ANKRD33B: variants seen among roughly 807,000 people sequenced by gnomAD.
ANKRD33B encodes ankyrin repeat domain-containing protein 33B.
A neutral mutation model predicts 21.5 loss-of-function variants in ANKRD33B; 6 were observed. That is an observed-to-expected ratio of 0.28 (90% confidence interval 0.15 to 0.55). The LOEUF (loss-of-function observed/expected upper bound fraction) is 0.55, where lower values mean the gene tolerates loss of function less well. Among genes scored for constraint, ANKRD33B ranks in the 20% least tolerant of loss-of-function variants. ANKRD33B has a pLI of 0.94. For synonymous variants in ANKRD33B, 347 were observed against 342.4 expected, an observed-to-expected ratio of 1.01 and a Z score of -0.15; for missense variants, 698 against 747.2, an observed-to-expected ratio of 0.93 and a Z score of 0.77.
At chr5:10,574,939 T>C (rs112378330) in intron 1 of ANKRD33B, among the ~76,000 whole-genome samples, 2,859 of 53,498 alleles carry the variant, frequency 0.053, 990 homozygotes, top group African/African-American at 0.1. Context: ...AATTAAAACT[T>C]AGTCGGGTGT....
At chr5:10,647,926 A>G (rs925705955) in intron 3 of ANKRD33B, among the ~76,000 whole-genome samples, 1 of 152,182 alleles carries the variant, frequency 6.6e-6, no homozygotes, top group Non-Finnish European at 1.5e-5. Context: ...TTGGGGCAAC[A>G]CTTAGATCCA....
chr5:10,626,113 C>T (rs957376910), intron 2 of ANKRD33B, among the ~76,000 whole-genome samples: 4 of 152,198 alleles, frequency 2.6e-5, no homozygotes, highest in Non-Finnish European at 4.4e-5. Context: ...CAGCCAGGGG[C>T]CGGAGTGGGA....
intron 3 of ANKRD33B, among the ~76,000 whole-genome samples, chr5:10,648,137 T>C (rs1560988789): frequency 6.6e-6 from 1 of 150,864 alleles, no homozygotes. Context: ...TAAAAATTCA[T>C]GCCCCCTACC....
intron 2 of ANKRD33B, among the ~76,000 whole-genome samples, chr5:10,636,683 C>G (rs759584486): frequency 2.6e-5 from 4 of 152,166 alleles, no homozygotes; most frequent in Non-Finnish European, 5.9e-5. Flanking sequence ...AGGAGAGACT[C>G]GGGCAGATTG....
chr5:10,643,524 G>A (rs1256263236), intron 3 of ANKRD33B, among the ~76,000 whole-genome samples: 5 of 152,066 alleles, frequency 3.3e-5, no homozygotes, highest in Admixed American at 6.6e-5. Context: ...AAATAAAAGT[G>A]TGACATCTTG....
rs538954231 is a variant in ANKRD33B, at chr5:10,578,950, G to A, written c.366+14117G>A. Among the ~76,000 whole-genome samples, 858 of 152,096 alleles carry A rather than the reference G, an allele frequency of 5.6e-3. 4 individuals carry two copies. Among genetic ancestry groups the A allele is most frequent in the Middle Eastern group, 0.027 (8 of 294 alleles). ...GGGCTGAGGTGGGTGGATTGCCTGA[G>A]CCCAGGAGTTCAATACCAGCCTGGG... On this transcript the variant is annotated intron_variant, in intron 1 of 3. Transcript: ENST00000296657.
intron 1 of ANKRD33B, among the ~76,000 whole-genome samples, chr5:10,612,466 C>A (rs1394538815): frequency 6.6e-6 from 1 of 152,234 alleles, no homozygotes; most frequent in Non-Finnish European, 1.5e-5. Context: ...CTAATACCAT[C>A]ACCGTGAGGG....
intron 1 of ANKRD33B, among the ~76,000 whole-genome samples, chr5:10,570,091 G>T (rs1180540412): frequency 6.6e-6 from 1 of 152,120 alleles, no homozygotes; most frequent in Non-Finnish European, 1.5e-5. Flanking sequence ...TGGCCAGGCT[G>T]GTCTCGAACT....
At chr5:10,629,906 CACTGAGTCT>C (rs1736666605) in intron 2 of ANKRD33B, among the ~76,000 whole-genome samples, 1 of 152,136 alleles carries the variant, frequency 6.6e-6, no homozygotes, top group South Asian at 2.1e-4. Context: ...GACAAATCAC[CACTGAGTCT>C]CATTGTAAGA....
At chr5:10,604,036 A>G (rs1450257793) in intron 1 of ANKRD33B, among the ~76,000 whole-genome samples, 1 of 151,708 alleles carries the variant, frequency 6.6e-6, no homozygotes, top group East Asian at 1.9e-4. Context: ...CTGCAATTAC[A>G]GGTGCCTGCC....
intron 2 of ANKRD33B, among the ~76,000 whole-genome samples, chr5:10,634,669 C>T (rs1213843974): frequency 2.0e-5 from 3 of 150,952 alleles, no homozygotes; most frequent in Admixed American, 6.6e-5. Flanking sequence ...TTGCCCAGGC[C>T]GGTCTTGAAC....
At chr5:10,627,310 A>G (rs749045672) in intron 2 of ANKRD33B, 11 of 152,266 alleles carry the variant, frequency 7.2e-5, no homozygotes, top group Non-Finnish European at 1.5e-4. Flanking sequence ...TTAACAGAAT[A>G]GCATGGACGT....
At position 10,656,674 on chromosome 5, in the gene ANKRD33B, G is replaced by T. The variant is rs1468959551; in HGVS notation, c.*6561G>T. 1 of 152,322 alleles carries T rather than the reference G, an allele frequency of 6.6e-6. No individual in the cohort carries two copies. The highest frequency in any genetic ancestry group is 1.5e-5 in the Non-Finnish European group (1 of 68,080). 9.4% of individuals were successfully genotyped at this position (152,322 alleles called of 1,614,324 possible). A position where few individuals can be genotyped will look rare whatever the true frequency, so the allele number is the denominator to read the frequency against. The stretch of plus-strand genomic sequence containing the variant: ...CAGCCCAGGTCTTTATTGAAAGGCG[G>T]CTCATATAGAACCCATTTGGCCAGG... On this transcript the variant is annotated 3_prime_UTR_variant, in exon 4 of 4. Coordinates refer to ENST00000296657, the MANE Select transcript of ANKRD33B (RefSeq NM_001164440.2).
At chr5:10,593,778 A>G (rs1335857714) in intron 1 of ANKRD33B, among the ~76,000 whole-genome samples, 1 of 149,774 alleles carries the variant, frequency 6.7e-6, no homozygotes, top group Non-Finnish European at 1.5e-5. Context: ...CTGGATCCCC[A>G]TTCCAGCACA....
At chr5:10,624,748 A>G (rs1214117975) in intron 2 of ANKRD33B, 3 of 456,644 alleles carry the variant, frequency 6.6e-6, no homozygotes, top group East Asian at 6.9e-5. Flanking sequence ...CCCCATGGGC[A>G]TAGTTTCCTT....
At chr5:10,610,871 C>G (rs1295091503) in intron 1 of ANKRD33B, among the ~76,000 whole-genome samples, 1 of 152,060 alleles carries the variant, frequency 6.6e-6, no homozygotes, top group Non-Finnish European at 1.5e-5. Context: ...GTGGCGAAAC[C>G]CGTCTCTACT....
chr5:10,635,307 C>G (rs1277971562), intron 2 of ANKRD33B, among the ~76,000 whole-genome samples: 1 of 152,224 alleles, frequency 6.6e-6, no homozygotes, highest in Non-Finnish European at 1.5e-5. Context: ...AAGCATTTAA[C>G]TGGACCATAA....
intron 1 of ANKRD33B, among the ~76,000 whole-genome samples, chr5:10,598,981 T>C (rs1735876177): frequency 6.6e-6 from 1 of 152,238 alleles, no homozygotes; most frequent in Non-Finnish European, 1.5e-5. Context: ...TTGACAAATA[T>C]ATACACCTGT....
chr5:10,607,352 T>C (rs889034718), intron 1 of ANKRD33B, among the ~76,000 whole-genome samples: 16 of 152,186 alleles, frequency 1.1e-4, no homozygotes. Flanking sequence ...ATCTCTGAGC[T>C]TCAAGGGCAG....
Sources: allele counts gnomAD v4.1 joint callset (sites outside exome capture counted in the v4.1 genomes callset), GRCh38; gene constraint gnomAD v4.1.1; transcripts MANE v1.5; gene names NCBI Gene and HGNC (gene_info 2026-07-23, HGNC 2026-07-21).